The following AIG1 variants were observed in gnomAD, a reference collection of about 807,000 sequenced individuals.
AIG1 encodes androgen-induced gene 1 protein.
AIG1 carries 23 observed loss-of-function variants against 31.4 expected under a neutral mutation model. That is an observed-to-expected ratio of 0.73 (90% CI 0.53 to 1.04). AIG1 has a LOEUF of 1.04. Ranked by LOEUF, AIG1 falls within the 50% of genes least tolerant of loss-of-function variation. The pLI is 0.00. For missense variants in AIG1, 274 were observed against 295.0 expected (o/e 0.93, Z 0.52); for synonymous variants, 100 against 110.5 (o/e 0.90, Z 0.60).
intron 3 of AIG1, among the ~76,000 whole-genome samples, chr6:143,193,543 A>G (rs990759954): frequency 2.0e-5 from 3 of 152,258 alleles, no homozygotes; most frequent in African/African-American, 4.8e-5. Context: ...GAAGTGAACA[A>G]TAACTATTGG....
At position 143,325,578 on chromosome 6, in the gene AIG1, G is replaced by A. The variant is rs987208743; in HGVS notation, c.516-7704G>A. Among the ~76,000 whole-genome samples the A allele has an allele frequency of 7.9e-5, 12 of 152,098 alleles. No individual in the cohort carries two copies. The highest frequency in any genetic ancestry group is 2.4e-4 in the African/African-American group (10 of 41,420). ...AGGAAATGGCAGCTGTTTCCACCCT[G>A]CTAATCAAGCCAGGAATCTGTGATT... is the stretch of plus-strand genomic sequence containing the variant. On this transcript the variant is annotated intron_variant, in intron 4 of 5. Coordinates refer to ENST00000357847, the MANE Select transcript of AIG1 (RefSeq NM_016108.4). This position sits in a 1 kb window ranked among gnomAD's most constrained non-coding sequence, Gnocchi z 4.3.
At chr6:143,064,797 T>G (rs1395724200) in intron 1 of AIG1, among the ~76,000 whole-genome samples, 1 of 152,210 alleles carries the variant, frequency 6.6e-6, no homozygotes, top group Admixed American at 6.5e-5. Context: ...TGAGGATTTG[T>G]AAAGACTGGA....
In AIG1 at chr6:143,062,229, G is replaced by A. The variant is rs149476489; in HGVS notation, c.141+1163G>A. Among the ~76,000 whole-genome samples the A allele has an allele frequency of 2.3e-4, 35 of 152,332 alleles. No individual in the cohort carries two copies. The Middle Eastern group carries it at 0.01, about 44-fold the overall frequency. ...TTGCATTATATTAGATACTTTCAGA[G>A]TGGAATTTCAATTCTGTTGCCCAGC... On this transcript the variant is annotated intron_variant, in intron 1 of 5. Transcript: ENST00000357847.
At chr6:143,187,854 A>G in intron 3 of AIG1, 1 of 1,441,068 alleles carries the variant, frequency 6.9e-7, no homozygotes, top group South Asian at 1.5e-5. Flanking sequence ...CAAGCGATGT[A>G]CAGAAGGGTA....
At chr6:143,088,932 C>T (rs1034490880) in intron 1 of AIG1, among the ~76,000 whole-genome samples, 2 of 152,138 alleles carry the variant, frequency 1.3e-5, no homozygotes, top group Admixed American at 1.3e-4. Context: ...TTAGCAGTGC[C>T]AGGCATGGTG....
At chr6:143,170,092 C>CATT (rs1787344816) in intron 3 of AIG1, among the ~76,000 whole-genome samples, 1 of 152,066 alleles carries the variant, frequency 6.6e-6, no homozygotes, top group African/African-American at 2.4e-5. Flanking sequence ...CATGGTAATG[C>CATT]TGGCATCATA....
chr6:143,256,584 T>C lies in AIG1; in HGVS notation c.400-27526T>C, dbSNP rs527239201. Among the ~76,000 whole-genome samples, 1 of 152,182 alleles carries C rather than the reference T, an allele frequency of 6.6e-6. No individual in the cohort carries two copies. The highest frequency in any genetic ancestry group is 1.5e-5 in the Non-Finnish European group (1 of 68,018). Reference sequence around the variant, plus strand: ...ATCCAAACAAAATCTTCCATGGACATCGAGCAGATAAAAATGGAACCGTTA... The same window carrying C: ...ATCCAAACAAAATCTTCCATGGACACCGAGCAGATAAAAATGGAACCGTTA... On this transcript the variant is annotated intron_variant, in intron 3 of 5. Transcript: ENST00000357847. The surrounding 1 kb of genome is among the most constrained non-coding windows in gnomAD (Gnocchi z 4.6).
At chr6:143,122,375 A>G (rs1583245514) in intron 1 of AIG1, among the ~76,000 whole-genome samples, 1 of 152,300 alleles carries the variant, frequency 6.6e-6, no homozygotes, top group East Asian at 1.9e-4. Context: ...TAGAATTTAA[A>G]CATATACTTT....
rs952793577 is a variant in AIG1, at chr6:143,291,350, T to G, written c.515+7125T>G. 6.6e-6 allele frequency among the ~76,000 whole-genome samples: 1 copy of G among 152,030 alleles called. No individual in the cohort carries two copies. The highest frequency in any genetic ancestry group is 1.5e-5 in the Non-Finnish European group (1 of 68,004). Reference sequence around the variant, plus strand: ...TCCAGCAGCAGGAAACCATGGGGTGTGCTGCCCTGGACAGGAGCCAGGGGG... The same window carrying G: ...TCCAGCAGCAGGAAACCATGGGGTGGGCTGCCCTGGACAGGAGCCAGGGGG... On this transcript the variant is annotated intron_variant, in intron 4 of 5. Transcript: ENST00000357847. The surrounding 1 kb of genome is among the most constrained non-coding windows in gnomAD (Gnocchi z 4.2).
At chr6:143,191,141 C>A (rs1313641095) in intron 3 of AIG1, among the ~76,000 whole-genome samples, 1 of 152,098 alleles carries the variant, frequency 6.6e-6, no homozygotes, top group Non-Finnish European at 1.5e-5. Context: ...CTGAATGGAG[C>A]TTATGGCAAA....
chr6:143,102,623 GTTAA>G (rs1313809626), intron 1 of AIG1, among the ~76,000 whole-genome samples: 2 of 149,648 alleles, frequency 1.3e-5, no homozygotes, highest in African/African-American at 2.4e-5. Flanking sequence ...GGGAGATTAT[GTTAA>G]TTGTCTATCA....
In AIG1 at chr6:143,293,634, T is replaced by C. The variant is rs1400167960; in HGVS notation, c.515+9409T>C. Among the ~76,000 whole-genome samples, 1 of 152,190 alleles carries C rather than the reference T, an allele frequency of 6.6e-6. No homozygotes were observed. On this transcript the variant is annotated intron_variant, in intron 4 of 5. Coordinates refer to ENST00000357847, the MANE Select transcript of AIG1 (RefSeq NM_016108.4). This position sits in a 1 kb window ranked among gnomAD's most constrained non-coding sequence, Gnocchi z 4.8. Reference sequence around the variant, plus strand: ...ATAATCTGTCTCAATCCCCAGTATTTATTATTCTGAGTTTTTTGTTCTCCT... The same window carrying C: ...ATAATCTGTCTCAATCCCCAGTATTCATTATTCTGAGTTTTTTGTTCTCCT...
chr6:143,218,647 G>A (rs915919602), intron 3 of AIG1, among the ~76,000 whole-genome samples: 19 of 151,930 alleles, frequency 1.3e-4, no homozygotes, highest in African/African-American at 4.4e-4. Context: ...AGTGTAGATA[G>A]AACATAAACC....
intron 4 of AIG1, among the ~76,000 whole-genome samples, chr6:143,316,692 A>G (rs1775771912): frequency 6.6e-6 from 1 of 152,082 alleles, no homozygotes; most frequent in Non-Finnish European, 1.5e-5. Flanking sequence ...AAAGAAAAAA[A>G]ATACAAAAGA....
intron 1 of AIG1, among the ~76,000 whole-genome samples, chr6:143,108,541 C>A (rs1002994255): frequency 4.6e-5 from 7 of 152,188 alleles, no homozygotes; most frequent in Admixed American, 3.3e-4. Context: ...CACTTAACAA[C>A]TTCAGCTGGG....
Position 143,314,505 on chromosome 6 carries a change from C to A in AIG1, c.516-18777C>A, listed in dbSNP as rs931310769. On this transcript the variant is annotated intron_variant, in intron 4 of 5. Coordinates refer to ENST00000357847, the MANE Select transcript of AIG1 (RefSeq NM_016108.4). The stretch of plus-strand genomic sequence containing the variant: ...GAATACAAGGTTAATATGCAGAAAT[C>A]AATTGCTTTCCTATAACTACAGTAA... Among the ~76,000 whole-genome samples, 93 of 152,100 alleles carry A rather than the reference C, an allele frequency of 6.1e-4. 1 individual carries two copies. Among genetic ancestry groups the A allele is most frequent in the African/African-American group, 2.2e-3 (92 of 41,426 alleles).
intron 4 of AIG1, among the ~76,000 whole-genome samples, chr6:143,321,435 C>A (rs1776201057): frequency 6.6e-6 from 1 of 151,838 alleles, no homozygotes. Flanking sequence ...CCCATCTCTA[C>A]TAAAAATACA....
rs1276662462 is a variant in AIG1 at position 143,326,238 on chromosome 6, A to C, written c.516-7044A>C. Among the ~76,000 whole-genome samples the C allele has an allele frequency of 6.6e-6, 1 of 152,220 alleles. No homozygotes were observed. The highest frequency in any genetic ancestry group is 1.5e-5 in the Non-Finnish European group (1 of 68,042). ...CAATTCTTACCATGGCTTAAAAATCAACCCATGGTTTGGCACCTGCCTGCT... is the reference window on the plus strand; with the variant it reads ...CAATTCTTACCATGGCTTAAAAATCCACCCATGGTTTGGCACCTGCCTGCT... On this transcript the variant is annotated intron_variant, in intron 4 of 5. Coordinates refer to ENST00000357847, the MANE Select transcript of AIG1 (RefSeq NM_016108.4). This position sits in a 1 kb window ranked among gnomAD's most constrained non-coding sequence, Gnocchi z 4.5.
At chr6:143,102,641 C>A (rs1050923874) in intron 1 of AIG1, among the ~76,000 whole-genome samples, 1 of 150,136 alleles carries the variant, frequency 6.7e-6, no homozygotes, top group Non-Finnish European at 1.5e-5. Flanking sequence ...TCTATCATTG[C>A]ATTTAACATG....
Sources: allele counts gnomAD v4.1 joint callset (sites outside exome capture counted in the v4.1 genomes callset), GRCh38; gene constraint gnomAD v4.1.1; non-coding constraint Gnocchi (gnomAD v3.1); transcripts MANE v1.5; gene names NCBI Gene and HGNC (gene_info 2026-07-23, HGNC 2026-07-21).